CCDC40: variants seen among roughly 807,000 people sequenced by gnomAD.
CCDC40 encodes the protein coiled-coil domain 40 molecular ruler complex subunit.
CCDC40 carries 104 observed loss-of-function variants against 124.5 expected under a neutral mutation model. That is an observed-to-expected ratio of 0.84 (90% confidence interval 0.71 to 0.98). The LOEUF is 0.98. Among genes scored for constraint, CCDC40 ranks in the 50% least tolerant of loss-of-function variants. The pLI, the probability that CCDC40 is intolerant of heterozygous loss-of-function variation, is 0.00. For synonymous variants in CCDC40, 580 were observed against 602.9 expected, an observed-to-expected ratio of 0.96 and a Z score of 0.56; for missense variants, 1,463 against 1,503.9, an observed-to-expected ratio of 0.97 and a Z score of 0.45.
At chr17:80,067,667 G>T (rs2038082113) in intron 10 of CCDC40, 2 of 1,535,868 alleles carry the variant, frequency 1.3e-6, no homozygotes, top group African/African-American at 1.4e-5. Flanking sequence ...TAGATAACCG[G>T]ATCCGCGAAT....
At chr17:80,047,052 G>A (rs1253740061) in intron 3 of CCDC40, among the ~76,000 whole-genome samples, 1 of 152,140 alleles carries the variant, frequency 6.6e-6, no homozygotes, top group East Asian at 1.9e-4. Flanking sequence ...CGCCATGTTG[G>A]CCAGGCTGGT....
rs372541653 is a variant in CCDC40, at chr17:80,099,588, G to A, written c.3242G>A (p.Gly1081Glu). ...AAGCACCTGCAGGCTGTGAAGGAGGGGCGCTACGTGTTCCTGTTCCGCTCC... is the reference window on the plus strand; with the variant it reads ...AAGCACCTGCAGGCTGTGAAGGAGGAGCGCTACGTGTTCCTGTTCCGCTCC... ...RLKHLQAVKE[G>E]RYVFLFRSKQ... The change falls in exon 20 of 20, where the codon GGG becomes GAG. Residue 1081 changes from glycine (G) to glutamate (E), a missense_variant. Transcript: ENST00000397545. 2 of 1,613,406 alleles carry A rather than the reference G, an allele frequency of 1.2e-6. No homozygotes were observed. Among genetic ancestry groups the A allele is most frequent in the Admixed American group, 1.7e-5 (1 of 59,998 alleles).
Position 80,048,636 on chromosome 17 carries a change from T to A in CCDC40, c.730T>A (p.Phe244Ile). 1 of 1,614,020 alleles carries A rather than the reference T, an allele frequency of 6.2e-7. No individual in the cohort carries two copies. The highest frequency in any genetic ancestry group is 1.3e-5 in the African/African-American group (1 of 75,022). Residue 244 changes from phenylalanine to isoleucine, a missense_variant, in exon 5 of 20, where the codon TTC becomes ATC. Coordinates refer to ENST00000397545, the MANE Select transcript of CCDC40 (RefSeq NM_017950.4). The part of the protein sequence containing the change: ...AHPREGDLPV[F>I]QDQIQQPSTE... ...CCCCAGGGAAGGAGACCTGCCAGTGTTCCAGGACCAGATCCAGCAGCCCAG... is the reference window on the plus strand; with the variant it reads ...CCCCAGGGAAGGAGACCTGCCAGTGATCCAGGACCAGATCCAGCAGCCCAG...
chr17:80,053,426 T>G (rs1199995267), intron 7 of CCDC40, among the ~76,000 whole-genome samples: 1 of 152,152 alleles, frequency 6.6e-6, no homozygotes, highest in Non-Finnish European at 1.5e-5. Context: ...TTCAGATTGG[T>G]TTGTTCTGGG....
Position 80,086,609 on chromosome 17 carries a change from A to C in CCDC40, c.2449+393A>C, listed in dbSNP as rs1186817559. 3.6e-6 allele frequency: 1 copy of C among 278,578 alleles called. No homozygotes were observed. Among genetic ancestry groups the C allele is most frequent in the Non-Finnish European group, 7.0e-6 (1 of 142,784 alleles). The allele number at this position is 278,578 out of a possible 1,614,324, so 17.3% of individuals were successfully genotyped here. A position where few individuals can be genotyped will look rare whatever the true frequency, so the allele number is the denominator to read the frequency against. ...CACATCACCTCCAGTTGGGCTTAGA[A>C]AACCATTCCACCGGGGCTCCCCAAC... On this transcript the variant is annotated intron_variant, in intron 14 of 19. Coordinates refer to ENST00000397545, the MANE Select transcript of CCDC40 (RefSeq NM_017950.4). This position sits in a 1 kb window ranked among gnomAD's most constrained non-coding sequence, Gnocchi z 5.5.
intron 19 of CCDC40, chr17:80,097,947 AAAG>A (rs1479025389): frequency 2.2e-5 from 3 of 134,342 alleles, no homozygotes; most frequent in Non-Finnish European, 4.6e-5. Context: ...AAAGAAAAGA[AAAG>A]AAAAAGGGAA....
rs548828133 is a variant in CCDC40, at chr17:80,056,305, C to T, written c.1160-2189C>T. On this transcript the variant is annotated intron_variant, in intron 7 of 19. Transcript: ENST00000397545. ...TGCTGTCCCTTAGCAACACGTGCTG[C>T]GGATATTCCACCTCAAAACAAAAAG... Among the ~76,000 whole-genome samples the T allele has an allele frequency of 3.3e-5, 5 of 151,966 alleles. No homozygotes were observed. The South Asian group carries it at 8.3e-4, about 25-fold the overall frequency.
intron 10 of CCDC40, among the ~76,000 whole-genome samples, chr17:80,071,799 A>G (rs937377302): frequency 1.3e-5 from 2 of 150,216 alleles, no homozygotes; most frequent in African/African-American, 4.9e-5. Context: ...CCTGGCAGGA[A>G]ATCTGCAGGA....
chr17:80,048,562 T>C (rs748178897), intron 4 of CCDC40, 21 bp from the exon 5 acceptor site: 3 of 1,603,706 alleles, frequency 1.9e-6, no homozygotes, highest in Non-Finnish European at 2.6e-6. Flanking sequence ...TCCTCAATGG[T>C]GTCGCTGTCT....
intron 7 of CCDC40, among the ~76,000 whole-genome samples, chr17:80,055,808 G>A (rs2037719777): frequency 6.6e-6 from 1 of 151,034 alleles, no homozygotes; most frequent in Admixed American, 6.6e-5. Context: ...GTAGATTCTT[G>A]TGGATTCTTT....
In CCDC40 at chr17:80,040,126, T is replaced by G; in HGVS notation, c.408T>G (p.Ala136=). Reference sequence around the variant, plus strand: ...CATACGATAGTGTTAGCGGGGAGGCTGGTCTCCAAGGCTTCCAGCAAGAGG... The same window carrying G: ...CATACGATAGTGTTAGCGGGGAGGCGGGTCTCCAAGGCTTCCAGCAAGAGG... ...EEAYDSVSGE[A]GLQGFQQEAT... Residue 136 remains alanine (A), a synonymous_variant, in exon 3 of 20, where the codon GCT becomes GCG. Transcript: ENST00000397545. 1.9e-6 allele frequency: 3 copies of G among 1,614,150 alleles called. No individual in the cohort carries two copies. Among genetic ancestry groups the G allele is most frequent in the Non-Finnish European group, 1.7e-6 (2 of 1,180,010 alleles).
rs1458733626 is a variant in CCDC40 at position 80,048,629 on chromosome 17, G to C, written c.723G>C (p.Leu241=). 6.2e-7 allele frequency: 1 copy of C among 1,614,048 alleles called. No homozygotes were observed. Among genetic ancestry groups the C allele is most frequent in the Admixed American group, 1.7e-5 (1 of 60,008 alleles). Residue 241 remains leucine (L), a synonymous_variant, in exon 5 of 20, where the codon CTG becomes CTC. Coordinates refer to ENST00000397545, the MANE Select transcript of CCDC40 (RefSeq NM_017950.4). ...VPDAHPREGD[L]PVFQDQIQQP... Reference sequence around the variant, plus strand: ...ATGCCCACCCCAGGGAAGGAGACCTGCCAGTGTTCCAGGACCAGATCCAGC... The same window carrying C: ...ATGCCCACCCCAGGGAAGGAGACCTCCCAGTGTTCCAGGACCAGATCCAGC...
intron 17 of CCDC40, 186 bp downstream of exon 17, chr17:80,090,070 G>A: frequency 2.0e-6 from 3 of 1,537,004 alleles, no homozygotes; most frequent in Non-Finnish European, 2.6e-6. Flanking sequence ...CTGCACTCCA[G>A]CCGAGCACTG....
At position 80,089,754 on chromosome 17, in the gene CCDC40, A is replaced by C. The variant is rs377615353; in HGVS notation, c.2712-10A>C. On this transcript the variant is annotated splice_polypyrimidine_tract_variant and intron_variant, in intron 16 of 19. Transcript: ENST00000397545. ...CCTAATTTCTTACACTGCCTCTCCTACCTCTAAAGACACCAGATTATGCTT... is the reference window on the plus strand; with the variant it reads ...CCTAATTTCTTACACTGCCTCTCCTCCCTCTAAAGACACCAGATTATGCTT... The C allele has an allele frequency of 1.2e-6, 2 of 1,614,172 alleles. No individual in the cohort carries two copies. Among genetic ancestry groups the C allele is most frequent in the Non-Finnish European group, 1.7e-6 (2 of 1,179,996 alleles).
rs9907837 is a variant in CCDC40, at chr17:80,080,303, T to A, written c.1563-1243T>A. ...ACACACAAAATTCAAATCCTCATGC[T>A]GAGGCGTAAGAATGACTTGAACCCA... On this transcript the variant is annotated intron_variant, in intron 10 of 19. Coordinates refer to ENST00000397545, the MANE Select transcript of CCDC40 (RefSeq NM_017950.4). 7.9e-5 allele frequency among the ~76,000 whole-genome samples: 12 copies of A among 152,214 alleles called. No homozygotes were observed. The South Asian group carries it at 2.1e-3, about 26-fold the overall frequency.
intron 17 of CCDC40, among the ~76,000 whole-genome samples, chr17:80,094,497 C>T (rs944543978): frequency 3.9e-5 from 6 of 152,038 alleles, no homozygotes; most frequent in African/African-American, 1.5e-4. Flanking sequence ...CGGATCGAGA[C>T]CATCTTGGCC....
At chr17:80,057,265 T>G (rs1405293120) in intron 7 of CCDC40, among the ~76,000 whole-genome samples, 1 of 151,776 alleles carries the variant, frequency 6.6e-6, no homozygotes. Context: ...TTTTTGTATT[T>G]TGAGTAGAGA....
At position 80,087,988 on chromosome 17, in the gene CCDC40, GT is replaced by G; in HGVS notation, c.2620-22del. On this transcript the variant is annotated intron_variant, in intron 15 of 19. Coordinates refer to ENST00000397545, the MANE Select transcript of CCDC40 (RefSeq NM_017950.4). This position sits in a 1 kb window ranked among gnomAD's most constrained non-coding sequence, Gnocchi z 4.5. The stretch of plus-strand genomic sequence containing the variant: ...CAATCCCATGGCCCTCCCCACAGCT[GT>G]CCCGCCCCCTCCCCCATGCAGGCCT... 6.4e-7 allele frequency: 1 copy of G among 1,555,016 alleles called. No individual in the cohort carries two copies. Among genetic ancestry groups the G allele is most frequent in the Non-Finnish European group, 8.9e-7 (1 of 1,126,398 alleles).
intron 12 of CCDC40, among the ~76,000 whole-genome samples, chr17:80,084,204 G>A (rs2038524748): frequency 6.6e-6 from 1 of 151,766 alleles, no homozygotes; most frequent in African/African-American, 2.4e-5. Flanking sequence ...AAAGGAAAGA[G>A]GTTTAATTGA....
Sources: gnomAD v4.1 joint callset for allele counts (sites outside exome capture counted in the v4.1 genomes callset) on GRCh38, gnomAD v4.1.1 for gene constraint, Gnocchi (gnomAD v3.1) non-coding constraint, MANE v1.5 for transcripts, NCBI Gene and HGNC (gene_info 2026-07-23, HGNC 2026-07-21) for gene names.